SMYD3: variants seen among roughly 807,000 people sequenced by gnomAD.
The protein encoded by SMYD3 is histone-lysine N-methyltransferase SMYD3.
A neutral mutation model predicts 57.7 loss-of-function variants in SMYD3; 36 were observed. The observed-to-expected ratio is 0.62, with a 90% CI of 0.48 to 0.82. SMYD3 has a LOEUF of 0.82. SMYD3 is among the 40% of genes least tolerant of loss of function. The probability of loss-of-function intolerance (pLI) is 0.00; values close to 1 mark genes in which losing one functional copy is unlikely to be tolerated. For synonymous variants in SMYD3, 211 were observed against 195.0 expected, an observed-to-expected ratio of 1.08 and a Z score of -0.68; for missense variants, 515 against 538.8, an observed-to-expected ratio of 0.96 and a Z score of 0.44.
intron 10 of SMYD3, among the ~76,000 whole-genome samples, chr1:245,835,604 C>T (rs935783648): frequency 6.6e-6 from 1 of 152,162 alleles, no homozygotes; most frequent in Admixed American, 6.5e-5. Flanking sequence ...TCCCTTTACA[C>T]TAGGGACTGT....
At chr1:246,078,752 AAG>A (rs1441432904) in intron 5 of SMYD3, among the ~76,000 whole-genome samples, 1 of 152,212 alleles carries the variant, frequency 6.6e-6, no homozygotes, top group Non-Finnish European at 1.5e-5. Context: ...ACCTAGCTAA[AAG>A]AGAACAGGAA....
intron 1 of SMYD3, among the ~76,000 whole-genome samples, chr1:246,439,744 T>C (rs1355924690): frequency 6.6e-6 from 1 of 152,144 alleles, no homozygotes; most frequent in Non-Finnish European, 1.5e-5. Context: ...GCCCAGGAGT[T>C]GAAGACCAGC....
intron 5 of SMYD3, among the ~76,000 whole-genome samples, chr1:246,125,085 A>ACACACACACACACACACAC (rs2061489795): frequency 9.1e-6 from 1 of 109,644 alleles, no homozygotes; most frequent in South Asian, 2.5e-4. Context: ...AAAAAAAAAA[A>ACACACACACACACACACAC]AAACACACAC....
intron 10 of SMYD3, among the ~76,000 whole-genome samples, chr1:245,857,694 T>G (rs1396460539): frequency 6.6e-6 from 1 of 152,136 alleles, no homozygotes; most frequent in Non-Finnish European, 1.5e-5. Context: ...ACTGAGCCAT[T>G]CCCACCTCAG....
chr1:245,885,101 A>G (rs2362259), intron 8 of SMYD3, among the ~76,000 whole-genome samples: 151,632 of 152,004 alleles, frequency 1, 75,631 homozygotes, highest in Middle Eastern at 1. Context: ...AACTCTGTAC[A>G]CGCCACCTTT....
At chr1:245,795,851 C>T (rs1356448713) in intron 10 of SMYD3, among the ~76,000 whole-genome samples, 1 of 152,198 alleles carries the variant, frequency 6.6e-6, no homozygotes, top group African/African-American at 2.4e-5. Flanking sequence ...AGCTTAAATA[C>T]AGTCTCTCTC....
intron 5 of SMYD3, among the ~76,000 whole-genome samples, chr1:246,199,796 G>A (rs1295364392): frequency 3.9e-5 from 6 of 152,164 alleles, no homozygotes; most frequent in African/African-American, 1.4e-4. Flanking sequence ...GATGCTGAGC[G>A]AGAATGTACA....
At position 246,493,570 on chromosome 1, in the gene SMYD3, G is replaced by C. The variant is rs1212939918; in HGVS notation, c.164+13484C>G. Among the ~76,000 whole-genome samples, 3 of 152,262 alleles carry C rather than the reference G, an allele frequency of 2.0e-5. No individual in the cohort carries two copies. In the East Asian group the frequency reaches 5.8e-4, roughly 29 times the overall value. Reference sequence around the variant, plus strand: ...CTGAGAAGCTTTTTCTCTTAAGCTTGATCCTCAGCAATGCTATCTTTTGCT... The same window carrying C: ...CTGAGAAGCTTTTTCTCTTAAGCTTCATCCTCAGCAATGCTATCTTTTGCT... On this transcript the variant is annotated intron_variant, in intron 1 of 11. Transcript: ENST00000490107.
chr1:245,779,189 A>AAAAAGG (rs2046735855), intron 10 of SMYD3, among the ~76,000 whole-genome samples: 2 of 151,860 alleles, frequency 1.3e-5, no homozygotes, highest in Admixed American at 1.3e-4. Context: ...AAAGAAAAAG[A>AAAAAGG]AAAAGAAAAT....
Position 245,858,312 on chromosome 1 carries a change from G to T in SMYD3, c.1076+184C>A, listed in dbSNP as rs181252150. On this transcript the variant is annotated intron_variant, in intron 10 of 11. Transcript: ENST00000490107. ...ACATGGAAGGAACTTTACAAATGAT[G>T]AATGAATGCATAAGTGAATGAACAA... Among the ~76,000 whole-genome samples the T allele has an allele frequency of 9.3e-4, 141 of 152,340 alleles. 1 individual carries two copies. Among genetic ancestry groups the T allele is most frequent in the Non-Finnish European group, 2.6e-4 (18 of 68,030 alleles).
At chr1:246,333,832 G>A (rs886456856) in intron 3 of SMYD3, among the ~76,000 whole-genome samples, 2 of 152,126 alleles carry the variant, frequency 1.3e-5, no homozygotes, top group East Asian at 1.9e-4. Context: ...GCTGCAGTGC[G>A]CCATGATCAT....
At chr1:246,411,987 A>G (rs1157887061) in intron 1 of SMYD3, among the ~76,000 whole-genome samples, 2 of 151,922 alleles carry the variant, frequency 1.3e-5, no homozygotes, top group Non-Finnish European at 2.9e-5. Flanking sequence ...AAAAAAAAAA[A>G]AAAAAACTTA....
chr1:246,363,953 AAGAG>A (rs959600768), intron 1 of SMYD3, among the ~76,000 whole-genome samples: 6 of 152,308 alleles, frequency 3.9e-5, no homozygotes, highest in African/African-American at 9.6e-5. Flanking sequence ...AAAAGAAAAA[AAGAG>A]AGAGAGGCAG....
At chr1:246,082,806 G>A (rs4630096) in intron 5 of SMYD3, among the ~76,000 whole-genome samples, 44,729 of 151,658 alleles carry the variant, frequency 0.29, 8,969 homozygotes, top group African/African-American at 0.55. Flanking sequence ...CTGTTAATCT[G>A]TGACCTTACC....
intron 8 of SMYD3, among the ~76,000 whole-genome samples, chr1:245,905,538 T>A (rs2054503211): frequency 6.6e-6 from 1 of 152,122 alleles, no homozygotes; most frequent in Non-Finnish European, 1.5e-5. Context: ...AGTCTTACAG[T>A]TTTAGTGCCA....
In SMYD3 at chr1:245,797,492, C is replaced by T. The variant is rs559174039; in HGVS notation, c.1077-33343G>A. Among the ~76,000 whole-genome samples, 4 of 129,038 alleles carry T rather than the reference C, an allele frequency of 3.1e-5. No individual in the cohort carries two copies. In the East Asian group the frequency reaches 8.8e-4, roughly 28 times the overall value. The allele number at this position is 129,038 out of a possible 152,430, so 84.7% of individuals were successfully genotyped here. ...ACTGAACAATGAGAACGCTTGGACA[C>T]AGGAAGGGGAACATCACACACTGGG... On this transcript the variant is annotated intron_variant, in intron 10 of 11. Coordinates refer to ENST00000490107, the MANE Select transcript of SMYD3 (RefSeq NM_001167740.2).
intron 5 of SMYD3, among the ~76,000 whole-genome samples, chr1:246,304,727 A>C (rs1345535412): frequency 6.6e-6 from 1 of 152,158 alleles, no homozygotes; most frequent in Non-Finnish European, 1.5e-5. Flanking sequence ...ATCGCTGTAC[A>C]ACTCTTGACA....
intron 5 of SMYD3, among the ~76,000 whole-genome samples, chr1:246,018,768 C>CTT (rs200338008): frequency 3.5e-4 from 49 of 141,284 alleles, no homozygotes; most frequent in South Asian, 1.3e-3. Context: ...ACCATGCTGG[C>CTT]TTTTTTTTTT....
At chr1:246,304,745 T>A (rs985869342) in intron 5 of SMYD3, among the ~76,000 whole-genome samples, 1 of 152,226 alleles carries the variant, frequency 6.6e-6, no homozygotes, top group Non-Finnish European at 1.5e-5. Context: ...ACATTAAGTT[T>A]GAACTTAATG....
Sources: allele counts gnomAD v4.1 joint callset (sites outside exome capture counted in the v4.1 genomes callset), GRCh38; gene constraint gnomAD v4.1.1; transcripts MANE v1.5; gene names NCBI Gene and HGNC (gene_info 2026-07-23, HGNC 2026-07-21).